The following CCSER1 variants were observed in gnomAD, a reference collection of about 807,000 sequenced individuals.
The protein encoded by CCSER1 is coiled-coil serine rich protein 1.
CCSER1 carries 41 observed loss-of-function variants against 82.0 expected under a neutral mutation model. That is an observed-to-expected ratio of 0.50 (90% CI 0.39 to 0.65). CCSER1 has a LOEUF of 0.65. CCSER1 is among the 30% of genes least tolerant of loss of function. The pLI, the probability that CCSER1 is intolerant of heterozygous loss-of-function variation, is 0.00. For missense variants in CCSER1, 1,119 were observed against 1,064.2 expected (o/e 1.05, Z -0.72); for synonymous variants, 414 against 383.9 (o/e 1.08, Z -0.92).
At position 90,908,710 on chromosome 4, in the gene CCSER1, G is replaced by T. The variant is rs373865866; in HGVS notation, c.2095-14660G>T. Among the ~76,000 whole-genome samples the T allele has an allele frequency of 5.3e-5, 8 of 152,186 alleles. No homozygotes were observed. In the East Asian group the frequency reaches 7.7e-4, roughly 15 times the overall value. On this transcript the variant is annotated intron_variant, in intron 8 of 10. Coordinates refer to ENST00000509176, the MANE Select transcript of CCSER1 (RefSeq NM_001145065.2). The stretch of plus-strand genomic sequence containing the variant: ...ACAAACATCTCAGTTTACAGCAGCT[G>T]CATTTCAGGTGCTCATTTGTCACCT...
intron 10 of CCSER1, among the ~76,000 whole-genome samples, chr4:91,444,446 C>T (rs1466988208): frequency 1.0e-5 from 1 of 97,694 alleles, no homozygotes; most frequent in Non-Finnish European, 2.0e-5. Context: ...TTTTAAAGTG[C>T]CAATTCTTTT....
intron 10 of CCSER1, among the ~76,000 whole-genome samples, chr4:91,503,455 T>C (rs1759325818): frequency 6.6e-6 from 1 of 152,164 alleles, no homozygotes; most frequent in Admixed American, 6.5e-5. Flanking sequence ...GAACTGTGGT[T>C]CAATCTGTGT....
intron 1 of CCSER1, among the ~76,000 whole-genome samples, chr4:90,155,338 G>A (rs1281722059): frequency 6.6e-6 from 1 of 151,758 alleles, no homozygotes; most frequent in Non-Finnish European, 1.5e-5. Context: ...GTCTAAAATT[G>A]TCTTTTTTGG....
At chr4:91,450,303 A>T (rs1755802124) in intron 10 of CCSER1, among the ~76,000 whole-genome samples, 1 of 152,086 alleles carries the variant, frequency 6.6e-6, no homozygotes, top group African/African-American at 2.4e-5. Flanking sequence ...TGGGAAAAAA[A>T]ACCATCAAAA....
chr4:90,674,364 A>G (rs11939938), intron 6 of CCSER1, among the ~76,000 whole-genome samples: 69,749 of 151,718 alleles, frequency 0.46, 16,433 homozygotes, highest in Middle Eastern at 0.59. Context: ...CAGGCATCTT[A>G]TTGGAGACAG....
At chr4:90,251,784 C>T (rs2153441687) in intron 1 of CCSER1, among the ~76,000 whole-genome samples, 1 of 151,798 alleles carries the variant, frequency 6.6e-6, no homozygotes, top group African/African-American at 2.4e-5. Flanking sequence ...TGTTGGAATG[C>T]AGTTGTTCAT....
chr4:90,500,246 G>A (rs1769652524), intron 5 of CCSER1, among the ~76,000 whole-genome samples: 1 of 151,584 alleles, frequency 6.6e-6, no homozygotes, highest in Admixed American at 6.6e-5. Flanking sequence ...TCTGTGTTTT[G>A]AATTACCCAC....
At chr4:91,181,734 A>G (rs939728036) in intron 10 of CCSER1, among the ~76,000 whole-genome samples, 4 of 152,202 alleles carry the variant, frequency 2.6e-5, no homozygotes, top group Admixed American at 6.5e-5. Flanking sequence ...CTGTTCTGCA[A>G]TGCGATCTTC....
intron 1 of CCSER1, among the ~76,000 whole-genome samples, chr4:90,133,286 G>C (rs543056520): frequency 6.6e-6 from 1 of 152,206 alleles, no homozygotes; most frequent in East Asian, 1.9e-4. Flanking sequence ...CCCATTGCTT[G>C]TGCAAGAATT....
intron 7 of CCSER1, among the ~76,000 whole-genome samples, chr4:90,788,657 A>C (rs1353093135): frequency 6.6e-6 from 1 of 152,208 alleles, no homozygotes; most frequent in African/African-American, 2.4e-5. Flanking sequence ...TGATGTCTGC[A>C]AAGACCTTAT....
intron 7 of CCSER1, among the ~76,000 whole-genome samples, chr4:90,792,386 A>C (rs1420427458): frequency 6.6e-6 from 1 of 152,170 alleles, no homozygotes; most frequent in Admixed American, 6.5e-5. Context: ...ATAAAACCTG[A>C]AGGGCTTTAC....
chr4:90,849,999 A>AATGGTTT (rs1763670776), intron 8 of CCSER1, among the ~76,000 whole-genome samples: 1 of 152,074 alleles, frequency 6.6e-6, no homozygotes, highest in Non-Finnish European at 1.5e-5. Flanking sequence ...GCACAGGGAC[A>AATGGTTT]CCCTGCTCTG....
At chr4:90,205,416 A>G (rs1158040104) in intron 1 of CCSER1, among the ~76,000 whole-genome samples, 1 of 150,940 alleles carries the variant, frequency 6.6e-6, no homozygotes, top group Non-Finnish European at 1.5e-5. Flanking sequence ...GTGTTGAAGC[A>G]GAAAGGTATG....
intron 9 of CCSER1, among the ~76,000 whole-genome samples, chr4:90,966,495 A>G (rs748824448): frequency 1.3e-5 from 2 of 152,052 alleles, no homozygotes; most frequent in African/African-American, 2.4e-5. Flanking sequence ...ATCCAACCAA[A>G]CTGTCTTTCA....
chr4:90,734,754 A>G (rs772616537), intron 7 of CCSER1, among the ~76,000 whole-genome samples: 1 of 152,200 alleles, frequency 6.6e-6, no homozygotes, highest in Non-Finnish European at 1.5e-5. Flanking sequence ...ATATAAGGTC[A>G]TATGACCTGC....
intron 9 of CCSER1, among the ~76,000 whole-genome samples, chr4:90,940,249 C>A (rs529000187): frequency 6.6e-6 from 1 of 152,020 alleles, no homozygotes; most frequent in African/African-American, 2.4e-5. Context: ...TTTTTAATAC[C>A]AGCAAAACAT....
At chr4:91,030,024 T>G (rs1340188968) in intron 9 of CCSER1, among the ~76,000 whole-genome samples, 1 of 152,068 alleles carries the variant, frequency 6.6e-6, no homozygotes, top group Non-Finnish European at 1.5e-5. Flanking sequence ...TAATTAAAAA[T>G]AATAAAAACA....
At chr4:90,484,251 G>T (rs1318167901) in intron 5 of CCSER1, among the ~76,000 whole-genome samples, 5 of 152,000 alleles carry the variant, frequency 3.3e-5, no homozygotes, top group Admixed American at 1.3e-4. Flanking sequence ...CTCTGTGTTT[G>T]TTATTCTAGT....
At chr4:90,200,137 A>G (rs1416953274) in intron 1 of CCSER1, among the ~76,000 whole-genome samples, 4 of 151,518 alleles carry the variant, frequency 2.6e-5, no homozygotes, top group Admixed American at 6.6e-5. Context: ...TGTTAGCCTA[A>G]TTAGTAGCAC....
Sources: allele counts gnomAD v4.1 joint callset (sites outside exome capture counted in the v4.1 genomes callset), GRCh38; gene constraint gnomAD v4.1.1; transcripts MANE v1.5; gene names NCBI Gene and HGNC (gene_info 2026-07-23, HGNC 2026-07-21).